The following FNBP4 variants were observed in gnomAD, a reference collection of about 807,000 sequenced individuals.
The protein encoded by FNBP4 is formin-binding protein 4.
A neutral mutation model predicts 119.3 loss-of-function variants in FNBP4; 34 were observed. The ratio of observed to expected loss-of-function variants is 0.28; its 90% confidence interval spans 0.22 to 0.38. The LOEUF is 0.38. FNBP4 is among the 10% of genes least tolerant of loss of function. The probability of loss-of-function intolerance (pLI) is 1.00; values close to 1 mark genes in which losing one functional copy is unlikely to be tolerated. For missense variants in FNBP4, 1,112 were observed against 1,228.9 expected, an observed-to-expected ratio of 0.90 and a Z score of 1.42; for synonymous variants, 462 against 430.6, an observed-to-expected ratio of 1.07 and a Z score of -0.90.
chr11:47,729,719 G>A, intron 12 of FNBP4: 1 of 985,344 alleles, frequency 1.0e-6, no homozygotes, highest in East Asian at 1.1e-4. Flanking sequence ...GGGCATTGCT[G>A]TGTTTTGTTT....
chr11:47,763,904 C>T (rs1409126511), intron 2 of FNBP4, among the ~76,000 whole-genome samples: 2 of 152,126 alleles, frequency 1.3e-5, no homozygotes, highest in Non-Finnish European at 2.9e-5. Context: ...ATTTGTATAT[C>T]AGCTACCTAT....
At position 47,767,301 on chromosome 11, in the gene FNBP4, C is replaced by G; in HGVS notation, c.-13G>C. 6.7e-7 allele frequency: 1 copy of G among 1,492,014 alleles called. No homozygotes were observed. The highest frequency in any genetic ancestry group is 8.9e-7 in the Non-Finnish European group (1 of 1,127,358). The allele number at this position is 1,492,014 out of a possible 1,614,324, so 92.4% of individuals were successfully genotyped here. A position where few individuals can be genotyped will look rare whatever the true frequency, so the allele number is the denominator to read the frequency against. On this transcript the variant is annotated 5_prime_UTR_variant, in exon 1 of 17. Transcript: ENST00000263773. Reference sequence around the variant, plus strand: ...ACTTCTTCCCCATCGCGAGCCCAAGCGCGAGCAGAGAGCGTCGGGCGGCCG... The same window carrying G: ...ACTTCTTCCCCATCGCGAGCCCAAGGGCGAGCAGAGAGCGTCGGGCGGCCG...
Position 47,753,003 on chromosome 11 carries a change from A to G in FNBP4, c.550T>C (p.Ser184Pro). Residue 184 changes from serine to proline, a missense_variant, in exon 4 of 17, where the codon TCT becomes CCT. Physicochemically the swap from Ser to Pro is moderately conservative, Grantham distance 74 (BLOSUM62 -1). Around this residue, in one of 2 missense-constraint regions of FNBP4, gnomAD observed 826 missense variants for 988.8 expected, o/e 0.84. Coordinates refer to ENST00000263773, the MANE Select transcript of FNBP4 (RefSeq NM_015308.5). ...TTTGAAGTAGAAGAAGAAAGGGTAG[A>G]TGTTGCTGCTTCCTTTGGCTCTGGT... ...PRPEPKEAATSTLSSSTSNGT... is the reference protein window; with the variant it reads ...PRPEPKEAATPTLSSSTSNGT... The G allele has an allele frequency of 1.2e-6, 2 of 1,614,146 alleles. No homozygotes were observed. The highest frequency in any genetic ancestry group is 1.7e-6 in the Non-Finnish European group (2 of 1,180,006).
chr11:47,753,229 C>G (rs750613650), intron 3 of FNBP4, 127 bp from the exon 4 acceptor site: 51 of 634,764 alleles, frequency 8.0e-5, no homozygotes, highest in Non-Finnish European at 1.2e-4. Context: ...AGTTCCAGCA[C>G]TTTGGGAGGC....
At chr11:47,765,471 T>C in intron 1 of FNBP4, 109 bp from the exon 2 acceptor site, 1 of 743,682 alleles carries the variant, frequency 1.3e-6, no homozygotes, top group Non-Finnish European at 2.2e-6. Flanking sequence ...AACCAACCTT[T>C]GATTTAACAT....
chr11:47,743,770 A>T, intron 8 of FNBP4, 183 bp downstream of exon 8: 1 of 607,308 alleles, frequency 1.6e-6, no homozygotes, highest in Non-Finnish European at 2.9e-6. Flanking sequence ...TCAGGCTCTT[A>T]CTCCTCTACT....
At chr11:47,764,771 G>A (rs1475033001) in intron 2 of FNBP4, among the ~76,000 whole-genome samples, 1 of 152,150 alleles carries the variant, frequency 6.6e-6, no homozygotes, top group Non-Finnish European at 1.5e-5. Context: ...AGATTAATGA[G>A]GTTCAACCCA....
At chr11:47,755,950 A>G (rs1339476747) in intron 2 of FNBP4, among the ~76,000 whole-genome samples, 1 of 152,210 alleles carries the variant, frequency 6.6e-6, no homozygotes, top group Non-Finnish European at 1.5e-5. Flanking sequence ...CTTCAAACTG[A>G]GCCAATTACA....
intron 9 of FNBP4, 88 bp downstream of exon 9, chr11:47,736,528 C>T: frequency 8.7e-7 from 1 of 1,149,570 alleles, no homozygotes; most frequent in South Asian, 1.5e-5. Context: ...CCACTGCACT[C>T]CAGCCTGGGT....
intron 12 of FNBP4, chr11:47,729,569 G>A: frequency 1.0e-6 from 1 of 954,018 alleles, no homozygotes; most frequent in Non-Finnish European, 1.2e-6. Flanking sequence ...GAGTGCAGTG[G>A]TACAATTATG....
chr11:47,738,071 ACTTC>A (rs1303950439), intron 8 of FNBP4, among the ~76,000 whole-genome samples: 5 of 152,128 alleles, frequency 3.3e-5, no homozygotes, highest in Non-Finnish European at 7.4e-5. Context: ...CCATCTGGTA[ACTTC>A]CTTCCTGAAC....
At chr11:47,765,404 GAA>G (rs2097645233) in intron 1 of FNBP4, 42 bp from the exon 2 acceptor site, 3 of 1,363,680 alleles carry the variant, frequency 2.2e-6, no homozygotes, top group Non-Finnish European at 3.0e-6. Flanking sequence ...GAAAAGAAAA[GAA>G]AAGAAAAGAA....
chr11:47,734,886 T>C (rs1335252713), intron 9 of FNBP4, among the ~76,000 whole-genome samples: 5 of 151,690 alleles, frequency 3.3e-5, no homozygotes, highest in Non-Finnish European at 4.4e-5. Context: ...GGCAGAAGAA[T>C]TGCTTGAACC....
At chr11:47,726,738 T>C (rs1226019387) in intron 12 of FNBP4, 1 of 152,210 alleles carries the variant, frequency 6.6e-6, no homozygotes, top group East Asian at 1.9e-4. Context: ...GTAGTCTACA[T>C]TATACAATAG....
intron 4 of FNBP4, among the ~76,000 whole-genome samples, chr11:47,752,120 A>G (rs560854750): frequency 1.3e-5 from 2 of 152,112 alleles, no homozygotes; most frequent in South Asian, 4.1e-4. Context: ...CATCTTCAAC[A>G]TGCTTTATTT....
At chr11:47,729,195 C>A in intron 12 of FNBP4, 2 of 985,248 alleles carry the variant, frequency 2.0e-6, no homozygotes, top group Non-Finnish European at 2.4e-6. Flanking sequence ...CCTTAATTTT[C>A]CCCCCAAAGA....
chr11:47,729,844 AGATTTGGATTTT>A (rs1239913773), intron 12 of FNBP4: 71 of 985,422 alleles, frequency 7.2e-5, no homozygotes, highest in Admixed American at 4.9e-4. Context: ...ACTTAGTTTA[AGATTTGGATTTT>A]ACTTCGATCA....
chr11:47,757,667 C>T (rs1442634453), intron 2 of FNBP4, among the ~76,000 whole-genome samples: 1 of 149,840 alleles, frequency 6.7e-6, no homozygotes, highest in African/African-American at 2.5e-5. Context: ...GTAATGTTTG[C>T]ATTTTTAGTA....
At chr11:47,766,975 T>A (rs2135312085) in intron 1 of FNBP4, 94 bp downstream of exon 1, 8 of 1,413,090 alleles carry the variant, frequency 5.7e-6, no homozygotes, top group African/African-American at 4.5e-5. Flanking sequence ...GAAGCCGACC[T>A]CGCCCGCCTC....
Sources: allele counts gnomAD v4.1 joint callset (sites outside exome capture counted in the v4.1 genomes callset), GRCh38; gene constraint gnomAD v4.1.1; regional missense constraint gnomAD v4.1.1; transcripts MANE v1.5; gene names NCBI Gene and HGNC (gene_info 2026-07-23, HGNC 2026-07-21).